Variants in DLC1 observed in about 807,000 individuals in gnomAD.
DLC1 encodes rho GTPase-activating protein 7.
A neutral mutation model predicts 140.3 loss-of-function variants in DLC1; 54 were observed. That is an observed-to-expected ratio of 0.38 (90% CI 0.31 to 0.48). The LOEUF (loss-of-function observed/expected upper bound fraction) is 0.48, where lower values mean the gene tolerates loss of function less well. Among genes scored for constraint, DLC1 ranks in the 20% least tolerant of loss-of-function variants. DLC1 has a pLI of 0.96. For missense variants in DLC1, 2,536 were observed against 1,907.0 expected (o/e 1.33, Z -6.14); for synonymous variants, 986 against 728.1 (o/e 1.35, Z -5.70).
At chr8:13,132,896 A>G (rs1338437769) in intron 5 of DLC1, 2 of 1,556,188 alleles carry the variant, frequency 1.3e-6, no homozygotes, top group Non-Finnish European at 1.7e-6. Flanking sequence ...TCCCCTCCGC[A>G]GCCCGCTCCC....
intron 4 of DLC1, among the ~76,000 whole-genome samples, chr8:13,315,255 C>T (rs1280884868): frequency 6.6e-6 from 1 of 152,164 alleles, no homozygotes; most frequent in African/African-American, 2.4e-5. Context: ...TCTCCACATA[C>T]ATACATATAT....
Position 13,136,734 on chromosome 8 carries a change from C to T in DLC1, c.1349-21077G>A, listed in dbSNP as rs571975278. 3.3e-5 allele frequency among the ~76,000 whole-genome samples: 5 copies of T among 152,240 alleles called. No homozygotes were observed. The East Asian group carries it at 9.7e-4, about 29-fold the overall frequency. On this transcript the variant is annotated intron_variant, in intron 5 of 17. Coordinates refer to ENST00000276297, the MANE Select transcript of DLC1 (RefSeq NM_182643.3). ...ATTTTTTGTAGAGACAGGGTTTTGCCATGTTGCTCAGGCTGCTCTTGAACT... is the reference window on the plus strand; with the variant it reads ...ATTTTTTGTAGAGACAGGGTTTTGCTATGTTGCTCAGGCTGCTCTTGAACT...
At chr8:13,402,651 A>G (rs1837349447) in intron 2 of DLC1, among the ~76,000 whole-genome samples, 1 of 152,228 alleles carries the variant, frequency 6.6e-6, no homozygotes, top group Admixed American at 6.5e-5. Flanking sequence ...ATGTCAGTGG[A>G]AAAATACATC....
At chr8:13,230,597 C>CTTTT (rs548424340) in intron 5 of DLC1, among the ~76,000 whole-genome samples, 4 of 133,728 alleles carry the variant, frequency 3.0e-5, no homozygotes, top group Non-Finnish European at 6.5e-5. Context: ...TTTCTTTTTT[C>CTTTT]TTTTTTTTTT....
At chr8:13,530,205 T>G (rs746705936) in intron 1 of DLC1, among the ~76,000 whole-genome samples, 18 of 152,316 alleles carry the variant, frequency 1.2e-4, no homozygotes, top group Non-Finnish European at 1.6e-4. Context: ...GTGTATTACT[T>G]TTCTCTTCCC....
intron 5 of DLC1, among the ~76,000 whole-genome samples, chr8:13,274,398 A>G (rs1831077537): frequency 6.6e-6 from 1 of 152,214 alleles, no homozygotes; most frequent in Non-Finnish European, 1.5e-5. Flanking sequence ...GTTACTTCAG[A>G]GGTCCATACT....
At chr8:13,473,247 C>T (rs1004009599) in intron 2 of DLC1, among the ~76,000 whole-genome samples, 1 of 152,100 alleles carries the variant, frequency 6.6e-6, no homozygotes, top group Admixed American at 6.5e-5. Flanking sequence ...GTGTCCCCAC[C>T]CAAATCTCAT....
At chr8:13,315,411 C>G (rs988416555) in intron 4 of DLC1, among the ~76,000 whole-genome samples, 1 of 152,194 alleles carries the variant, frequency 6.6e-6, no homozygotes, top group Non-Finnish European at 1.5e-5. Context: ...AAACATTCTG[C>G]TCTTTGAGGA....
chr8:13,143,165 T>C (rs1292451477), intron 5 of DLC1, among the ~76,000 whole-genome samples: 2 of 152,042 alleles, frequency 1.3e-5, no homozygotes, highest in Admixed American at 1.3e-4. Context: ...AGTTAGAACA[T>C]ACACATTTTC....
rs531906862 is a variant in DLC1, at chr8:13,101,681, G to A, written c.1567-911C>T. On this transcript the variant is annotated intron_variant, in intron 8 of 17. Transcript: ENST00000276297. ...TCCCCCACAAGACATGAAGGCTAGC[G>A]CTCAGGCCACAGCTGACCTGTGAAG... Among the ~76,000 whole-genome samples the A allele has an allele frequency of 2.2e-4, 34 of 152,210 alleles. No homozygotes were observed. The South Asian group carries it at 5.4e-3, about 24-fold the overall frequency.
intron 5 of DLC1, among the ~76,000 whole-genome samples, chr8:13,262,176 T>C (rs926639745): frequency 6.6e-6 from 1 of 152,132 alleles, no homozygotes; most frequent in Non-Finnish European, 1.5e-5. Context: ...TGGTTGTGAC[T>C]GAATATGTAA....
chr8:13,369,891 A>G (rs1200253997), intron 4 of DLC1, among the ~76,000 whole-genome samples: 5 of 143,088 alleles, frequency 3.5e-5, no homozygotes, highest in African/African-American at 1.3e-4. Context: ...TCAGAATAGA[A>G]GTCAAAGTCA....
At chr8:13,213,586 C>A (rs955874927) in intron 5 of DLC1, among the ~76,000 whole-genome samples, 2 of 152,142 alleles carry the variant, frequency 1.3e-5, no homozygotes, top group African/African-American at 2.4e-5. Context: ...ACTTGAGAGG[C>A]TTTCATTTCC....
At chr8:13,366,911 A>G (rs1335269840) in intron 4 of DLC1, among the ~76,000 whole-genome samples, 1 of 152,026 alleles carries the variant, frequency 6.6e-6, no homozygotes, top group Non-Finnish European at 1.5e-5. Flanking sequence ...GGGCTCTTGC[A>G]TTCCTCGATG....
At position 13,401,554 on chromosome 8, in the gene DLC1, G is replaced by A; in HGVS notation, c.1089C>T (p.Asp363=). 1.2e-6 allele frequency: 2 copies of A among 1,613,652 alleles called. No homozygotes were observed. The highest frequency in any genetic ancestry group is 1.1e-5 in the South Asian group (1 of 91,054). ...CATTTTCTATGTCCTGATCAAGCTGGTCCAGTTTCATAATCAGCAGCACCA... is the reference window on the plus strand; with the variant it reads ...CATTTTCTATGTCCTGATCAAGCTGATCCAGTTTCATAATCAGCAGCACCA... ...DSMVLLIMKL[D]QLDQDIENAL... is the part of the protein sequence containing the mutation. The change falls in exon 3 of 18, where the codon GAC becomes GAT. Residue 363 remains aspartate, a synonymous_variant. Coordinates refer to ENST00000276297, the MANE Select transcript of DLC1 (RefSeq NM_182643.3).
At chr8:13,392,599 C>G (rs1836811295) in intron 4 of DLC1, among the ~76,000 whole-genome samples, 1 of 152,088 alleles carries the variant, frequency 6.6e-6, no homozygotes, top group Non-Finnish European at 1.5e-5. Context: ...AATAATACAA[C>G]ACTATGATTT....
chr8:13,486,764 T>C (rs1800987873), intron 2 of DLC1, among the ~76,000 whole-genome samples: 1 of 152,196 alleles, frequency 6.6e-6, no homozygotes, highest in Non-Finnish European at 1.5e-5. Flanking sequence ...GCTTGTTGGA[T>C]AAATGAACAT....
chr8:13,310,448 T>C (rs1401115102), intron 4 of DLC1, among the ~76,000 whole-genome samples: 4 of 152,196 alleles, frequency 2.6e-5, no homozygotes, highest in Non-Finnish European at 5.9e-5. Flanking sequence ...AATAAGTAAT[T>C]CTGTCCTTAG....
At position 13,499,348 on chromosome 8, in the gene DLC1, TA is replaced by T. The variant is rs752834888; in HGVS notation, c.723del (p.Asp243MetfsTer10). On this transcript the variant is annotated frameshift_variant, in exon 2 of 18. Transcript: ENST00000276297. LOFTEE classifies it high-confidence loss of function. ...CAGGTGCTTCTTTCATTTTCATCTT[TA>T]GGGGGGTCAGGTTTCCTTCGTTGCT... The part of the protein sequence containing the change: ...IAQQRRKPDP[P>X]KDENERSTCN... 19 of 1,614,064 alleles carry T rather than the reference TA, an allele frequency of 1.2e-5. No homozygotes were observed. Among genetic ancestry groups the T allele is most frequent in the Non-Finnish European group, 1.4e-5 (17 of 1,180,024 alleles).
Sources: gnomAD v4.1 joint callset for allele counts (sites outside exome capture counted in the v4.1 genomes callset) on GRCh38, gnomAD v4.1.1 for gene constraint, MANE v1.5 for transcripts, NCBI Gene and HGNC (gene_info 2026-07-23, HGNC 2026-07-21) for gene names.